Variants in PHACTR3 observed in about 807,000 individuals in gnomAD.
The protein encoded by PHACTR3 is protein phosphatase 1, regulatory subunit 123.
Under a neutral mutation model 66.8 loss-of-function variants are expected in PHACTR3, and 16 were observed. The ratio of observed to expected loss-of-function variants is 0.24; its 90% CI spans 0.16 to 0.36. The LOEUF (loss-of-function observed/expected upper bound fraction) is 0.36, where lower values mean the gene tolerates loss of function less well. PHACTR3 is among the 10% of genes least tolerant of loss of function. The probability of loss-of-function intolerance (pLI) is 1.00; values close to 1 mark genes in which losing one functional copy is unlikely to be tolerated. For synonymous variants in PHACTR3, 323 were observed against 292.1 expected (o/e 1.11, Z -1.08); for missense variants, 647 against 719.9 (o/e 0.90, Z 1.16).
intron 8 of PHACTR3, among the ~76,000 whole-genome samples, chr20:59,806,725 C>T (rs561710321): frequency 1.3e-5 from 2 of 152,286 alleles, no homozygotes; most frequent in African/African-American, 2.4e-5. Flanking sequence ...CTGAGAAATG[C>T]GTCATTAGGA....
chr20:59,706,250 CT>C (rs1237471065), intron 1 of PHACTR3, among the ~76,000 whole-genome samples: 1 of 152,284 alleles, frequency 6.6e-6, no homozygotes, highest in Non-Finnish European at 1.5e-5. Context: ...GAGTTTCAGA[CT>C]GTGGAACTCT....
Position 59,840,372 on chromosome 20 carries a change from G to A in PHACTR3, c.1388G>A (p.Arg463Lys), listed in dbSNP as rs757780911. ...ELERRNILKQ[R>K]NDQTEQEERR... Reference sequence around the variant, plus strand: ...TTCCTATTTTAATCTTTCACAGAAAGGAATGATCAGACAGAGCAGGAAGAA... The same window carrying A: ...TTCCTATTTTAATCTTTCACAGAAAAGAATGATCAGACAGAGCAGGAAGAA... The change falls in exon 10 of 13, where the codon AGG (arginine) becomes AAG (lysine). Residue 463 changes from arginine to lysine, a missense_variant. This residue lies in a region of PHACTR3 where 70 missense variants were observed against 148.8 expected (regional missense o/e 0.47). Transcript: ENST00000371015. 1 of 1,609,650 alleles carries A rather than the reference G, an allele frequency of 6.2e-7. No homozygotes were observed. The highest frequency in any genetic ancestry group is 1.7e-5 in the Admixed American group (1 of 59,506).
intron 1 of PHACTR3, among the ~76,000 whole-genome samples, chr20:59,654,532 G>C (rs950429362): frequency 3.9e-5 from 6 of 152,086 alleles, no homozygotes; most frequent in South Asian, 2.1e-4. Flanking sequence ...GAAGTTATAT[G>C]CCTCCTAATA....
At chr20:59,689,546 T>C (rs1271509272) in intron 1 of PHACTR3, among the ~76,000 whole-genome samples, 1 of 152,220 alleles carries the variant, frequency 6.6e-6, no homozygotes, top group Non-Finnish European at 1.5e-5. Context: ...CCCTCCCATC[T>C]GATTGGTTTG....
chr20:59,780,379 C>T (rs1198963124), intron 7 of PHACTR3, among the ~76,000 whole-genome samples: 1 of 152,180 alleles, frequency 6.6e-6, no homozygotes, highest in African/African-American at 2.4e-5. Flanking sequence ...ATTCATTCCT[C>T]ACAGTTCCAG....
chr20:59,648,416 C>G (rs182518461), intron 1 of PHACTR3, among the ~76,000 whole-genome samples: 2 of 152,244 alleles, frequency 1.3e-5, no homozygotes, highest in Non-Finnish European at 2.9e-5. Flanking sequence ...AGGGGTAGGT[C>G]CCTTGAGGGA....
In PHACTR3 at chr20:59,736,612, C is replaced by T. The variant is rs2038955469; in HGVS notation, c.119-6495C>T. 6.6e-6 allele frequency among the ~76,000 whole-genome samples: 1 copy of T among 152,052 alleles called. No individual in the cohort carries two copies. The highest frequency in any genetic ancestry group is 6.5e-5 in the Admixed American group (1 of 15,280). On this transcript the variant is annotated intron_variant, in intron 1 of 12. Coordinates refer to ENST00000371015, the MANE Select transcript of PHACTR3 (RefSeq NM_080672.5). The surrounding 1 kb of genome is among the most constrained non-coding windows in gnomAD (Gnocchi z 4.6). The stretch of plus-strand genomic sequence containing the variant: ...TCACCCACCCACCCTCAGAGATACA[C>T]ACCTACCCACTCTGTGCACACCTGC...
At chr20:59,839,012 G>A (rs901897120) in intron 9 of PHACTR3, among the ~76,000 whole-genome samples, 7 of 150,914 alleles carry the variant, frequency 4.6e-5, no homozygotes, top group Non-Finnish European at 5.9e-5. Flanking sequence ...GGTGACCTTC[G>A]TAGTAATTAT....
chr20:59,651,867 AGGTAG>A (rs1199516770), intron 1 of PHACTR3, among the ~76,000 whole-genome samples: 3 of 151,644 alleles, frequency 2.0e-5, no homozygotes, highest in African/African-American at 7.3e-5. Context: ...GTAGGTAGGT[AGGTAG>A]GTAGGTAGAT....
chr20:59,676,237 C>T (rs1451538329), intron 1 of PHACTR3, among the ~76,000 whole-genome samples: 1 of 152,224 alleles, frequency 6.6e-6, no homozygotes, highest in Admixed American at 6.5e-5. Context: ...AAGTTGCTGC[C>T]ATCGTGGGTT....
intron 1 of PHACTR3, among the ~76,000 whole-genome samples, chr20:59,652,774 A>G (rs1036214793): frequency 1.3e-5 from 2 of 152,064 alleles, no homozygotes; most frequent in African/African-American, 4.8e-5. Flanking sequence ...AATCCATAAT[A>G]TCATTTAATC....
At chr20:59,674,694 T>C (rs1275429831) in intron 1 of PHACTR3, among the ~76,000 whole-genome samples, 3 of 43,954 alleles carry the variant, frequency 6.8e-5, no homozygotes, top group Admixed American at 2.7e-4. Context: ...CTCCTGTTCC[T>C]GCCTTCTCCT....
intron 1 of PHACTR3, among the ~76,000 whole-genome samples, chr20:59,631,075 G>A (rs569204741): frequency 1.3e-5 from 2 of 152,320 alleles, no homozygotes; most frequent in East Asian, 1.9e-4. Context: ...TAAAGTGTGC[G>A]TTGAGCAGGG....
Position 59,840,376 on chromosome 20 carries a change from T to C in PHACTR3, c.1392T>C (p.Asn464=), listed in dbSNP as rs1454282092. The change falls in exon 10 of 13, where the codon AAT becomes AAC. Residue 464 remains asparagine (N), a synonymous_variant. Transcript: ENST00000371015. ...LERRNILKQR[N]DQTEQEERRE... Reference sequence around the variant, plus strand: ...TATTTTAATCTTTCACAGAAAGGAATGATCAGACAGAGCAGGAAGAAAGAA... The same window carrying C: ...TATTTTAATCTTTCACAGAAAGGAACGATCAGACAGAGCAGGAAGAAAGAA... 1.2e-6 allele frequency: 2 copies of C among 1,611,050 alleles called. No individual in the cohort carries two copies. The highest frequency in any genetic ancestry group is 1.7e-6 in the Non-Finnish European group (2 of 1,178,576).
chr20:59,780,918 G>T (rs886595498), intron 7 of PHACTR3, among the ~76,000 whole-genome samples: 35 of 152,334 alleles, frequency 2.3e-4, no homozygotes, highest in African/African-American at 8.2e-4. Context: ...ATTGTGCTCA[G>T]TGAGCGTTCT....
At chr20:59,627,842 C>A (rs1028580295) in intron 1 of PHACTR3, among the ~76,000 whole-genome samples, 2 of 152,178 alleles carry the variant, frequency 1.3e-5, no homozygotes, top group Admixed American at 6.5e-5. Context: ...AGTCATCAAT[C>A]ATTTATCTAT....
At chr20:59,645,740 C>A (rs1050062361) in intron 1 of PHACTR3, among the ~76,000 whole-genome samples, 1 of 152,020 alleles carries the variant, frequency 6.6e-6, no homozygotes, top group African/African-American at 2.4e-5. Flanking sequence ...TTAATGAAAC[C>A]GTCATGTTTT....
chr20:59,769,314 C>T (rs2040288216), intron 5 of PHACTR3, among the ~76,000 whole-genome samples: 1 of 152,218 alleles, frequency 6.6e-6, no homozygotes, highest in Admixed American at 6.5e-5. Context: ...TCTCAACTGC[C>T]ATTAAGTTAA....
chr20:59,640,302 C>A (rs1481073466), intron 1 of PHACTR3, among the ~76,000 whole-genome samples: 1 of 152,234 alleles, frequency 6.6e-6, no homozygotes, highest in Non-Finnish European at 1.5e-5. Flanking sequence ...AAGGAACTTT[C>A]TCTCTAGTTG....
Sources: allele counts gnomAD v4.1 joint callset (sites outside exome capture counted in the v4.1 genomes callset), GRCh38; gene constraint gnomAD v4.1.1; regional missense constraint gnomAD v4.1.1; non-coding constraint Gnocchi (gnomAD v3.1); transcripts MANE v1.5; gene names NCBI Gene and HGNC (gene_info 2026-07-23, HGNC 2026-07-21).